The following NOS1 variants were observed in gnomAD, a reference collection of about 807,000 sequenced individuals.
The protein encoded by NOS1 is nitric oxide synthase 1.
NOS1 carries 51 observed loss-of-function variants against 164.5 expected under a neutral mutation model. The ratio of observed to expected loss-of-function variants is 0.31; its 90% CI spans 0.25 to 0.39. The LOEUF is 0.39. Ranked by LOEUF, NOS1 falls within the 10% of genes least tolerant of loss-of-function variation. NOS1 has a pLI of 1.00. For synonymous variants in NOS1, 719 were observed against 745.8 expected, an observed-to-expected ratio of 0.96 and a Z score of 0.59; for missense variants, 1,362 against 1,885.6, an observed-to-expected ratio of 0.72 and a Z score of 5.14.
Position 117,209,656 on chromosome 12 carries a change from C to T in NOS1, c.*5653G>A. 2 of 985,498 alleles carry T rather than the reference C, an allele frequency of 2.0e-6. No individual in the cohort carries two copies. Among genetic ancestry groups the T allele is most frequent in the Non-Finnish European group, 2.4e-6 (2 of 829,950 alleles). 61.0% of individuals were successfully genotyped at this position (985,498 alleles called of 1,614,324 possible). A position where few individuals can be genotyped will look rare whatever the true frequency, so the allele number is the denominator to read the frequency against. ...ACTAAGGCATATTGACAGCTGACCA[C>T]CTCCCTCGCACATGGCTTTGATAAG... On this transcript the variant is annotated 3_prime_UTR_variant, in exon 29 of 29. Coordinates refer to ENST00000317775, the MANE Select transcript of NOS1 (RefSeq NM_000620.5).
At chr12:117,247,672 G>T in intron 17 of NOS1, 150 bp from the exon 18 acceptor site, 1 of 630,060 alleles carries the variant, frequency 1.6e-6, no homozygotes, top group Non-Finnish European at 2.6e-6. Context: ...GGCCTTTAAG[G>T]GGTAATTAAG....
chr12:117,326,733 A>G, intron 2 of NOS1, among the ~76,000 whole-genome samples: 1 of 152,218 alleles, frequency 6.6e-6, no homozygotes. Context: ...GCAGGACTCC[A>G]TGGCAGGCCG....
At chr12:117,246,327 G>T (rs1308600463) in intron 18 of NOS1, among the ~76,000 whole-genome samples, 1 of 152,180 alleles carries the variant, frequency 6.6e-6, no homozygotes, top group African/African-American at 2.4e-5. Flanking sequence ...AAGCAGATGA[G>T]GTCTCACTAT....
At chr12:117,309,467 G>C in intron 3 of NOS1, 3 of 740,550 alleles carry the variant, frequency 4.1e-6, no homozygotes, top group Non-Finnish European at 4.9e-6. Flanking sequence ...AGTGAAAGCT[G>C]CCATCTGTAG....
chr12:117,300,005 G>T (rs1275270263), intron 3 of NOS1, among the ~76,000 whole-genome samples: 1 of 152,040 alleles, frequency 6.6e-6, no homozygotes, highest in Non-Finnish European at 1.5e-5. Context: ...TACTGTGTTT[G>T]TTTGTTGAAA....
At chr12:117,286,074 C>A in intron 6 of NOS1, 30 bp downstream of exon 6, 1 of 1,612,330 alleles carries the variant, frequency 6.2e-7, no homozygotes, top group Non-Finnish European at 8.5e-7. Context: ...CATTTAAGGG[C>A]TCTTCAAGGT....
At chr12:117,308,133 G>C (rs1305685712) in intron 3 of NOS1, among the ~76,000 whole-genome samples, 1 of 152,130 alleles carries the variant, frequency 6.6e-6, no homozygotes, top group African/African-American at 2.4e-5. Flanking sequence ...ACAATAGGGA[G>C]TGGTGAGGTT....
intron 9 of NOS1, 121 bp downstream of exon 9, chr12:117,277,838 C>G: frequency 8.3e-7 from 1 of 1,211,900 alleles, no homozygotes; most frequent in East Asian, 2.4e-5. Context: ...GAACCAAGCC[C>G]CCCTTTCCCC....
intron 11 of NOS1, among the ~76,000 whole-genome samples, chr12:117,267,773 C>T (rs565510518): frequency 6.6e-6 from 1 of 152,106 alleles, no homozygotes; most frequent in Non-Finnish European, 1.5e-5. Context: ...GAGGATGCCT[C>T]TTGTTTGAAT....
At chr12:117,225,881 G>A (rs1868631447) in intron 24 of NOS1, among the ~76,000 whole-genome samples, 1 of 152,104 alleles carries the variant, frequency 6.6e-6, no homozygotes, top group African/African-American at 2.4e-5. Flanking sequence ...TGCCTTCCTT[G>A]GCCTCCAAAA....
At chr12:117,285,688 C>G (rs911941886) in intron 6 of NOS1, among the ~76,000 whole-genome samples, 1 of 152,056 alleles carries the variant, frequency 6.6e-6, no homozygotes, top group African/African-American at 2.4e-5. Context: ...CAAACAAAAC[C>G]CCCCTGATCT....
chr12:117,310,899 A>G (rs546238639), intron 3 of NOS1, among the ~76,000 whole-genome samples: 1 of 151,982 alleles, frequency 6.6e-6, no homozygotes, highest in Non-Finnish European at 1.5e-5. Flanking sequence ...GGAGTCTTGC[A>G]CTGTCACCCA....
intron 2 of NOS1, among the ~76,000 whole-genome samples, chr12:117,312,027 G>A (rs934917149): frequency 6.6e-6 from 1 of 152,186 alleles, no homozygotes; most frequent in African/African-American, 2.4e-5. Flanking sequence ...AGGAAGGATA[G>A]AGAGGTCCTG....
chr12:117,254,766 G>A (rs1020538589), intron 16 of NOS1, among the ~76,000 whole-genome samples: 9 of 152,178 alleles, frequency 5.9e-5, no homozygotes, highest in Admixed American at 3.3e-4. Context: ...CCGGAGCCAC[G>A]TTTGGTTAGT....
intron 1 of NOS1, among the ~76,000 whole-genome samples, chr12:117,354,848 A>G (rs1002498248): frequency 1.3e-5 from 2 of 152,220 alleles, no homozygotes; most frequent in African/African-American, 2.4e-5. Flanking sequence ...TGTGTTTGTT[A>G]AATGAAGAAG....
rs566698797 is a variant in NOS1 at position 117,275,068 on chromosome 12, T to C, written c.1665-2509A>G. Among the ~76,000 whole-genome samples, 5 of 152,268 alleles carry C rather than the reference T, an allele frequency of 3.3e-5. No individual in the cohort carries two copies. In the South Asian group the frequency reaches 1.0e-3, roughly 32 times the overall value. ...CTCAAAGGATAAATGTTTGAGGGGA[T>C]AAATACCCCATTCTCCATGATGTGC... is the stretch of plus-strand genomic sequence containing the variant. On this transcript the variant is annotated intron_variant, in intron 9 of 28. Coordinates refer to ENST00000317775, the MANE Select transcript of NOS1 (RefSeq NM_000620.5).
intron 27 of NOS1, 21 bp downstream of exon 27, chr12:117,220,054 G>A: frequency 6.3e-7 from 1 of 1,585,700 alleles, no homozygotes; most frequent in Non-Finnish European, 8.6e-7. Flanking sequence ...AAGGGACCTG[G>A]GAAGTCAGCC....
intron 22 of NOS1, among the ~76,000 whole-genome samples, chr12:117,231,421 A>G (rs894514094): frequency 1.3e-5 from 2 of 152,112 alleles, no homozygotes; most frequent in Non-Finnish European, 2.9e-5. Context: ...AAAAGAGTGG[A>G]ATTGGAATGT....
Position 117,212,353 on chromosome 12 carries a change from C to G in NOS1, c.*2956G>C. 2.0e-6 allele frequency: 2 copies of G among 985,348 alleles called. No individual in the cohort carries two copies. Among genetic ancestry groups the G allele is most frequent in the South Asian group, 9.4e-5 (2 of 21,272 alleles). 61.0% of individuals were successfully genotyped at this position (985,348 alleles called of 1,614,324 possible). ...GCAGAATTAGGATTTGCACTCAGGT[C>G]GGCTCCCAAAATTCCATATTGATGG... On this transcript the variant is annotated 3_prime_UTR_variant, in exon 29 of 29. Transcript: ENST00000317775.
Sources: allele counts gnomAD v4.1 joint callset (sites outside exome capture counted in the v4.1 genomes callset), GRCh38; gene constraint gnomAD v4.1.1; transcripts MANE v1.5; gene names NCBI Gene and HGNC (gene_info 2026-07-23, HGNC 2026-07-21).